WWOX: variants seen among roughly 807,000 people sequenced by gnomAD.
WWOX encodes the protein WW domain-containing oxidoreductase.
In WWOX, 69 loss-of-function variants were observed where a neutral mutation model predicts 46.2. That is an observed-to-expected ratio of 1.49 (90% CI 1.23 to 1.82). The LOEUF is 1.82. WWOX is among the 40% of genes most tolerant of loss of function. The pLI, the probability that WWOX is intolerant of heterozygous loss-of-function variation, is 0.00. For missense variants in WWOX, 919 were observed against 542.6 expected, an observed-to-expected ratio of 1.69 and a Z score of -6.89; for synonymous variants, 359 against 202.6, an observed-to-expected ratio of 1.77 and a Z score of -6.56.
chr16:78,366,398 T>G (rs182599912), intron 5 of WWOX, among the ~76,000 whole-genome samples: 155 of 152,322 alleles, frequency 1.0e-3, no homozygotes, highest in African/African-American at 3.7e-3. Flanking sequence ...TATTGTATAT[T>G]TCATCAAATA....
intron 8 of WWOX, among the ~76,000 whole-genome samples, chr16:78,971,473 A>G (rs537954405): frequency 0.024 from 3,240 of 136,688 alleles, 184 homozygotes; most frequent in African/African-American, 0.084. Flanking sequence ...AAAAAAAAAA[A>G]AGAGAGAGAT....
intron 8 of WWOX, among the ~76,000 whole-genome samples, chr16:79,127,315 T>C (rs16949632): frequency 0.011 from 1,606 of 152,316 alleles, 28 homozygotes; most frequent in African/African-American, 0.037. Flanking sequence ...CTAGACATTA[T>C]TATGCATTTA....
chr16:78,476,841 G>C (rs963482904), intron 8 of WWOX, among the ~76,000 whole-genome samples: 1 of 152,020 alleles, frequency 6.6e-6, no homozygotes, highest in Non-Finnish European at 1.5e-5. Flanking sequence ...AGGTTGTTTT[G>C]TTCGTTTTTC....
chr16:78,590,315 C>T (rs1201659822), intron 8 of WWOX, among the ~76,000 whole-genome samples: 1 of 152,082 alleles, frequency 6.6e-6, no homozygotes, highest in African/African-American at 2.4e-5. Flanking sequence ...TTGCTGTGTC[C>T]TTATTTGGTG....
chr16:78,695,982 C>A (rs1420256174), intron 8 of WWOX, among the ~76,000 whole-genome samples: 1 of 152,160 alleles, frequency 6.6e-6, no homozygotes, highest in Non-Finnish European at 1.5e-5. Context: ...CCGCCCCAGA[C>A]CTCCTGAATG....
At chr16:78,231,927 C>T (rs943240472) in intron 5 of WWOX, among the ~76,000 whole-genome samples, 4 of 151,816 alleles carry the variant, frequency 2.6e-5, no homozygotes, top group East Asian at 3.9e-4. Context: ...ATATGGAATT[C>T]AGTGTTTTTA....
At chr16:78,220,961 AT>A (rs1414178754) in intron 5 of WWOX, among the ~76,000 whole-genome samples, 6 of 152,128 alleles carry the variant, frequency 3.9e-5, no homozygotes, top group Non-Finnish European at 7.4e-5. Flanking sequence ...CTTCTATTTA[AT>A]TTTTTAACCA....
chr16:79,161,267 C>G (rs1187439925), intron 8 of WWOX, among the ~76,000 whole-genome samples: 1 of 152,124 alleles, frequency 6.6e-6, no homozygotes, highest in Non-Finnish European at 1.5e-5. Context: ...CTGTCTTTTC[C>G]CAGCTAAATG....
intron 4 of WWOX, among the ~76,000 whole-genome samples, chr16:78,133,734 C>T (rs1414227278): frequency 6.6e-6 from 1 of 152,194 alleles, no homozygotes; most frequent in African/African-American, 2.4e-5. Flanking sequence ...AACAAATGCT[C>T]ATGACTTTCA....
At chr16:78,716,303 T>A (rs2048559200) in intron 8 of WWOX, among the ~76,000 whole-genome samples, 1 of 152,062 alleles carries the variant, frequency 6.6e-6, no homozygotes, top group South Asian at 2.1e-4. Flanking sequence ...CATCCTCCCC[T>A]CCAGCCTTTG....
rs11371557 is a variant in WWOX, at chr16:78,709,734, AT to A, written c.1056+276996del. Among the ~76,000 whole-genome samples, 782 of 143,858 alleles carry A rather than the reference AT, an allele frequency of 5.4e-3. 3 individuals are homozygous for A. The highest frequency in any genetic ancestry group is 0.015 in the African/African-American group (600 of 38,994). The allele number at this position is 143,858 out of a possible 152,430, so 94.4% of individuals were successfully genotyped here. ...CTCTTCTTCCAAAGCAACAGTAAGC[AT>A]TTTTTTTTTTTTTGTGATAATCTCT... On this transcript the variant is annotated intron_variant, in intron 8 of 8. Transcript: ENST00000566780.
chr16:78,858,319 C>CATAT, intron 8 of WWOX, among the ~76,000 whole-genome samples: 2 of 96,096 alleles, frequency 2.1e-5, no homozygotes, highest in East Asian at 5.0e-4. Context: ...AATATGTAGT[C>CATAT]ATATATATAT....
At chr16:78,322,434 G>A (rs1270457224) in intron 5 of WWOX, among the ~76,000 whole-genome samples, 1 of 152,186 alleles carries the variant, frequency 6.6e-6, no homozygotes, top group African/African-American at 2.4e-5. Context: ...GCCAGGATCA[G>A]GCCAAAGGTT....
At chr16:79,001,819 G>C (rs529618597) in intron 8 of WWOX, among the ~76,000 whole-genome samples, 18 of 152,262 alleles carry the variant, frequency 1.2e-4, no homozygotes, top group African/African-American at 4.3e-4. Context: ...CTGCTTTAGA[G>C]AGGTGCTTAT....
At chr16:78,185,324 G>A (rs1299822104) in intron 5 of WWOX, among the ~76,000 whole-genome samples, 1 of 152,140 alleles carries the variant, frequency 6.6e-6, no homozygotes, top group Non-Finnish European at 1.5e-5. Flanking sequence ...AGGCGTCAAA[G>A]ACCCTCCCGC....
At chr16:79,197,221 C>T (rs1245360409) in intron 8 of WWOX, among the ~76,000 whole-genome samples, 2 of 152,184 alleles carry the variant, frequency 1.3e-5, no homozygotes, top group Non-Finnish European at 2.9e-5. Context: ...CCTACCACAT[C>T]CCAATGGCTT....
intron 5 of WWOX, among the ~76,000 whole-genome samples, chr16:78,299,642 C>A (rs553440004): frequency 5.8e-4 from 88 of 152,050 alleles, no homozygotes; most frequent in African/African-American, 2.0e-3. Context: ...ATCCTCCCAC[C>A]TCAGCCTCCC....
At chr16:78,683,660 C>T (rs2047784153) in intron 8 of WWOX, among the ~76,000 whole-genome samples, 1 of 152,100 alleles carries the variant, frequency 6.6e-6, no homozygotes, top group Non-Finnish European at 1.5e-5. Context: ...CCTCGGCTTC[C>T]CAAAGTGCTG....
At chr16:78,707,920 G>C (rs1195136004) in intron 8 of WWOX, among the ~76,000 whole-genome samples, 1 of 152,130 alleles carries the variant, frequency 6.6e-6, no homozygotes, top group Non-Finnish European at 1.5e-5. Flanking sequence ...ATGCTATTCG[G>C]TTGGTGCAAA....
Sources: gnomAD v4.1 joint callset for allele counts (sites outside exome capture counted in the v4.1 genomes callset) on GRCh38, gnomAD v4.1.1 for gene constraint, MANE v1.5 for transcripts, NCBI Gene and HGNC (gene_info 2026-07-23, HGNC 2026-07-21) for gene names.